Variants in RANBP2 observed in about 807,000 individuals in gnomAD.
The protein encoded by RANBP2 is RAN binding protein 2, also known as E3 SUMO-protein ligase RanBP2.
In RANBP2, 57 loss-of-function variants were observed where a neutral mutation model predicts 303.6. The ratio of observed to expected loss-of-function variants is 0.19; its 90% CI spans 0.15 to 0.23. The LOEUF is 0.23. Ranked by LOEUF, RANBP2 falls within the 10% of genes least tolerant of loss-of-function variation. The pLI, the probability that RANBP2 is intolerant of heterozygous loss-of-function variation, is 1.00. For synonymous variants in RANBP2, 1,167 were observed against 1,301.5 expected, an observed-to-expected ratio of 0.90 and a Z score of 2.23; for missense variants, 3,138 against 3,780.8, an observed-to-expected ratio of 0.83 and a Z score of 4.46.
At chr2:109,035,793 G>T in the RANBP2 span, among the ~76,000 whole-genome samples, 1 of 152,138 alleles carries the variant, frequency 6.6e-6, no homozygotes, top group Non-Finnish European at 1.5e-5. Context: ...TGTTCCCTTG[G>T]CAGGGCAAAC....
At chr2:109,034,038 G>A in the RANBP2 span, among the ~76,000 whole-genome samples, 1 of 151,006 alleles carries the variant, frequency 6.6e-6, no homozygotes, top group Non-Finnish European at 1.5e-5. Flanking sequence ...CAGGTGGGTG[G>A]ATCACGAGGA....
the RANBP2 span, among the ~76,000 whole-genome samples, chr2:109,602,527 T>C: frequency 6.6e-6 from 1 of 151,730 alleles, no homozygotes; most frequent in Non-Finnish European, 1.5e-5. Context: ...AGTACAAAAT[T>C]AGCTGAGTGT....
the RANBP2 span, among the ~76,000 whole-genome samples, chr2:108,845,474 G>A: frequency 6.6e-6 from 1 of 152,052 alleles, no homozygotes; most frequent in Non-Finnish European, 1.5e-5. Flanking sequence ...ACATGAGATT[G>A]GAGAATTGGG....
At chr2:108,911,804 C>T in the RANBP2 span, among the ~76,000 whole-genome samples, 2 of 152,292 alleles carry the variant, frequency 1.3e-5, no homozygotes, top group South Asian at 2.1e-4. Context: ...CAAATCATCT[C>T]GGGGGAGGTA....
chr2:109,292,417 G>A, the RANBP2 span, among the ~76,000 whole-genome samples: 1 of 152,114 alleles, frequency 6.6e-6, no homozygotes, highest in Admixed American at 6.5e-5. Context: ...TGTTTAATTG[G>A]AATATTTTCA....
chr2:108,798,418 T>C, the RANBP2 span: 1 of 1,602,250 alleles, frequency 6.2e-7, no homozygotes, highest in Non-Finnish European at 8.5e-7. Context: ...AGTCTGGCAT[T>C]TTGATACAGT....
chr2:109,733,971 G>C, the RANBP2 span, among the ~76,000 whole-genome samples: 2 of 151,950 alleles, frequency 1.3e-5, no homozygotes, highest in East Asian at 1.9e-4. Flanking sequence ...CTGAGGTCAG[G>C]AGTTCAAGAC....
At chr2:108,899,887 G>A in the RANBP2 span, among the ~76,000 whole-genome samples, 1 of 152,134 alleles carries the variant, frequency 6.6e-6, no homozygotes, top group Non-Finnish European at 1.5e-5. Flanking sequence ...TCGGGAGGCT[G>A]AGGCAGGAGA....
the RANBP2 span, among the ~76,000 whole-genome samples, chr2:109,166,974 C>T: frequency 6.6e-6 from 1 of 152,200 alleles, no homozygotes; most frequent in East Asian, 1.9e-4. Flanking sequence ...GGGCCATCCC[C>T]TTTGCCTCCA....
At chr2:108,798,233 A>G in the RANBP2 span, among the ~76,000 whole-genome samples, 1 of 152,198 alleles carries the variant, frequency 6.6e-6, no homozygotes, top group Admixed American at 6.5e-5. Context: ...ATAGTGTCAT[A>G]TCATTTAAAA....
chr2:108,933,766 G>C, the RANBP2 span, among the ~76,000 whole-genome samples: 1 of 151,860 alleles, frequency 6.6e-6, no homozygotes, highest in African/African-American at 2.4e-5. Flanking sequence ...GCAGCGACGG[G>C]AGATCGGGGT....
At chr2:109,760,256 G>T in the RANBP2 span, 1 of 148,672 alleles carries the variant, frequency 6.7e-6, no homozygotes, top group African/African-American at 2.5e-5. Context: ...TCATTCCCAG[G>T]GGGTAGAATG....
chr2:108,733,743 TAGG>T (rs1695356692), intron 4 of RANBP2, among the ~76,000 whole-genome samples: 1 of 152,178 alleles, frequency 6.6e-6, no homozygotes, highest in Admixed American at 6.5e-5. Flanking sequence ...TATGTAATGA[TAGG>T]AGATTCTTTT....
At chr2:108,860,233 G>C in the RANBP2 span, among the ~76,000 whole-genome samples, 1 of 152,012 alleles carries the variant, frequency 6.6e-6, no homozygotes, top group Non-Finnish European at 1.5e-5. Context: ...TTCAGGTCTG[G>C]GAGTCTTTTG....
chr2:109,660,790 A>C, the RANBP2 span, among the ~76,000 whole-genome samples: 2 of 152,146 alleles, frequency 1.3e-5, no homozygotes, highest in African/African-American at 4.8e-5. Flanking sequence ...ACTCCTCCTA[A>C]CAGTCTGGGT....
chr2:108,786,899 G>A (rs1013807992), downstream of RANBP2: 2 of 1,550,356 alleles, frequency 1.3e-6, no homozygotes, highest in Non-Finnish European at 1.7e-6. Flanking sequence ...GGACTCGGGG[G>A]CAGCTGCCCC....
the RANBP2 span, among the ~76,000 whole-genome samples, chr2:108,847,139 C>A: frequency 1.3e-5 from 2 of 152,292 alleles, no homozygotes; most frequent in South Asian, 4.1e-4. Flanking sequence ...TCCCAAGAGG[C>A]CTTTGATTGT....
the RANBP2 span, chr2:109,613,353 G>C: frequency 2.2e-4 from 79 of 358,454 alleles, no homozygotes; most frequent in Non-Finnish European, 3.3e-4. Context: ...GGATAAAACG[G>C]GAGAGCTTTT....
chr2:108,788,767 A>T (rs1679397616), downstream of RANBP2: 5 of 1,498,838 alleles, frequency 3.3e-6, no homozygotes, highest in South Asian at 6.5e-5. Flanking sequence ...TTTTAAAAAT[A>T]GTATTATTTA....
Sources: allele counts gnomAD v4.1 joint callset (sites outside exome capture counted in the v4.1 genomes callset), GRCh38; gene constraint gnomAD v4.1.1; transcripts MANE v1.5; gene names NCBI Gene and HGNC (gene_info 2026-07-23, HGNC 2026-07-21).